CELF4: variants seen among roughly 807,000 people sequenced by gnomAD.
CELF4 encodes CUG-BP- and ETR-3-like factor 4.
In CELF4, 18 loss-of-function variants were observed where a neutral mutation model predicts 59.9. The observed-to-expected ratio is 0.30, with a 90% CI of 0.21 to 0.45. The LOEUF is 0.45. Ranked by LOEUF, CELF4 falls within the 20% of genes least tolerant of loss-of-function variation. CELF4 has a pLI of 1.00. For synonymous variants in CELF4, 261 were observed against 267.1 expected, an observed-to-expected ratio of 0.98 and a Z score of 0.22; for missense variants, 456 against 689.0, an observed-to-expected ratio of 0.66 and a Z score of 3.79.
chr18:37,532,105 C>T (rs1477635714), intron 1 of CELF4, among the ~76,000 whole-genome samples: 1 of 152,230 alleles, frequency 6.6e-6, no homozygotes, highest in African/African-American at 2.4e-5. Context: ...CCTGGTCCTG[C>T]ACTGTTTCCC....
At chr18:37,486,334 C>T (rs1427637585) in intron 1 of CELF4, among the ~76,000 whole-genome samples, 1 of 152,202 alleles carries the variant, frequency 6.6e-6, no homozygotes, top group East Asian at 1.9e-4. Context: ...CTCAGTCTCC[C>T]CACCTGCGAA....
At chr18:37,402,932 T>C (rs1011963464) in intron 2 of CELF4, among the ~76,000 whole-genome samples, 1 of 152,146 alleles carries the variant, frequency 6.6e-6, no homozygotes, top group Non-Finnish European at 1.5e-5. Context: ...CCACCCTCCA[T>C]GCATGGCCTG....
intron 2 of CELF4, among the ~76,000 whole-genome samples, chr18:37,436,025 G>A (rs551793208): frequency 1.3e-5 from 2 of 152,146 alleles, no homozygotes; most frequent in Non-Finnish European, 2.9e-5. Context: ...TCTAGGGAGG[G>A]GTGAGCTGGA....
intron 2 of CELF4, among the ~76,000 whole-genome samples, chr18:37,457,441 G>A (rs113006659): frequency 1.0e-3 from 153 of 152,226 alleles, no homozygotes; most frequent in African/African-American, 3.6e-3. Flanking sequence ...CTGGGAGTGT[G>A]CAGAACTTGG....
chr18:37,465,654 A>G (rs2099806152), intron 2 of CELF4, among the ~76,000 whole-genome samples: 1 of 152,176 alleles, frequency 6.6e-6, no homozygotes, highest in African/African-American at 2.4e-5. Flanking sequence ...GAGTCTGTGT[A>G]GGTTCAGGGA....
chr18:37,265,115 G>GTA (rs2076856844), intron 9 of CELF4, among the ~76,000 whole-genome samples: 1 of 150,844 alleles, frequency 6.6e-6, no homozygotes, highest in Non-Finnish European at 1.5e-5. Flanking sequence ...GTGTGTGGGT[G>GTA]TGTGTGTACA....
chr18:37,484,324 A>T (rs868255103), intron 2 of CELF4, among the ~76,000 whole-genome samples: 2 of 152,174 alleles, frequency 1.3e-5, no homozygotes, highest in African/African-American at 2.4e-5. Flanking sequence ...CGTCTTACAG[A>T]GGGCACCCAG....
At chr18:37,519,248 G>A (rs1027159586) in intron 1 of CELF4, among the ~76,000 whole-genome samples, 3 of 152,158 alleles carry the variant, frequency 2.0e-5, no homozygotes, top group African/African-American at 7.2e-5. Context: ...GGAAGAAGCT[G>A]TCCCTAGAGA....
chr18:37,340,248 G>T (rs2097950839), intron 2 of CELF4, among the ~76,000 whole-genome samples: 1 of 152,262 alleles, frequency 6.6e-6, no homozygotes, highest in Non-Finnish European at 1.5e-5. Flanking sequence ...CACGTTAAGT[G>T]AGAGTGAGAA....
intron 2 of CELF4, among the ~76,000 whole-genome samples, chr18:37,407,031 G>A (rs959604881): frequency 6.6e-6 from 1 of 152,192 alleles, no homozygotes; most frequent in African/African-American, 2.4e-5. Context: ...AGGAAAGACA[G>A]CATGGTTTAT....
At chr18:37,343,055 G>T (rs1244143127) in intron 2 of CELF4, among the ~76,000 whole-genome samples, 2 of 152,178 alleles carry the variant, frequency 1.3e-5, no homozygotes, top group African/African-American at 4.8e-5. Flanking sequence ...AGCTGGAAGG[G>T]TGTGCACCGT....
At chr18:37,403,488 G>A (rs2099352667) in intron 2 of CELF4, among the ~76,000 whole-genome samples, 1 of 152,200 alleles carries the variant, frequency 6.6e-6, no homozygotes, top group Non-Finnish European at 1.5e-5. Flanking sequence ...GGGGACAAAT[G>A]GCTGGAGTGG....
chr18:37,496,293 C>T (rs1435824330), intron 1 of CELF4, among the ~76,000 whole-genome samples: 1 of 152,210 alleles, frequency 6.6e-6, no homozygotes, highest in Non-Finnish European at 1.5e-5. Context: ...CAGGGCTGGA[C>T]CTCTTCTCTG....
intron 1 of CELF4, among the ~76,000 whole-genome samples, chr18:37,552,480 A>G (rs1003149995): frequency 2.0e-5 from 3 of 152,228 alleles, no homozygotes; most frequent in Non-Finnish European, 4.4e-5. Context: ...CAGTTGGTTC[A>G]GTGACTCCCC....
In CELF4 at chr18:37,243,197, T is replaced by C. The variant is rs1269889029; in HGVS notation, c.*2045A>G. ...TTTTTTCTTTTTTTCTTTTTTTTTT[T>C]TTTTTTTTTACATCTGGACATCCTA... On this transcript the variant is annotated 3_prime_UTR_variant, in exon 13 of 13. Transcript: ENST00000420428. 2.7e-5 allele frequency: 4 copies of C among 147,922 alleles called. No homozygotes were observed. The highest frequency in any genetic ancestry group is 5.0e-5 in the African/African-American group (2 of 40,314). The allele number at this position is 147,922 out of a possible 1,614,324, so 9.2% of individuals were successfully genotyped here.
At chr18:37,448,219 G>A (rs4799928) in intron 2 of CELF4, among the ~76,000 whole-genome samples, 87,825 of 152,126 alleles carry the variant, frequency 0.58, 26,402 homozygotes, top group East Asian at 0.83. Flanking sequence ...TTGTCACTGA[G>A]GCCTTGAGGC....
At chr18:37,309,033 C>G (rs2096550579) in intron 3 of CELF4, among the ~76,000 whole-genome samples, 1 of 152,178 alleles carries the variant, frequency 6.6e-6, no homozygotes, top group African/African-American at 2.4e-5. Flanking sequence ...GCAGGTCCAG[C>G]CTCAGACCCT....
chr18:37,400,526 A>G (rs941080545), intron 2 of CELF4, among the ~76,000 whole-genome samples: 3 of 152,236 alleles, frequency 2.0e-5, no homozygotes, highest in Admixed American at 6.5e-5. Flanking sequence ...TCAGAGGGCC[A>G]ATTCCAGTAA....
intron 2 of CELF4, among the ~76,000 whole-genome samples, chr18:37,440,489 C>T (rs78353412): frequency 6.6e-6 from 1 of 152,164 alleles, no homozygotes; most frequent in African/African-American, 2.4e-5. Flanking sequence ...ATCTGAGGAG[C>T]ATTTCCTCCA....
Sources: allele counts gnomAD v4.1 joint callset (sites outside exome capture counted in the v4.1 genomes callset), GRCh38; gene constraint gnomAD v4.1.1; transcripts MANE v1.5; gene names NCBI Gene and HGNC (gene_info 2026-07-23, HGNC 2026-07-21).